Variants in CALU observed in about 807,000 individuals in gnomAD.
CALU encodes the protein calumenin.
CALU carries 13 observed loss-of-function variants against 37.5 expected under a neutral mutation model. The ratio of observed to expected loss-of-function variants is 0.35; its 90% confidence interval spans 0.23 to 0.55. CALU has a LOEUF of 0.55. CALU is among the 20% of genes least tolerant of loss of function. The pLI, the probability that CALU is intolerant of heterozygous loss-of-function variation, is 0.89. For missense variants in CALU, 282 were observed against 391.7 expected, an observed-to-expected ratio of 0.72 and a Z score of 2.36; for synonymous variants, 114 against 133.8, an observed-to-expected ratio of 0.85 and a Z score of 1.02.
chr7:128,745,193 T>G (rs891657759), intron 1 of CALU, among the ~76,000 whole-genome samples: 14 of 152,238 alleles, frequency 9.2e-5, no homozygotes, highest in Non-Finnish European at 2.1e-4. Flanking sequence ...GGAAAATCCT[T>G]TGTTGCAGTG....
At chr7:128,755,270 C>T (rs1800831097) in intron 3 of CALU, among the ~76,000 whole-genome samples, 1 of 132,682 alleles carries the variant, frequency 7.5e-6, no homozygotes, top group African/African-American at 2.9e-5. Flanking sequence ...CATGATTGCA[C>T]TGCTGCACAC....
At chr7:128,751,497 CAGG>C (rs1331561826) in intron 2 of CALU, among the ~76,000 whole-genome samples, 11 of 152,012 alleles carry the variant, frequency 7.2e-5, no homozygotes, top group African/African-American at 2.7e-4. Flanking sequence ...GAGGCTGAAG[CAGG>C]AGGATTGCTT....
intron 1 of CALU, among the ~76,000 whole-genome samples, chr7:128,745,063 A>G (rs939647729): frequency 6.6e-6 from 1 of 152,162 alleles, no homozygotes; most frequent in Non-Finnish European, 1.5e-5. Context: ...GTGCATAAGT[A>G]TTTATTCATA....
intron 1 of CALU, among the ~76,000 whole-genome samples, chr7:128,740,810 T>C (rs957892769): frequency 6.6e-6 from 1 of 152,208 alleles, no homozygotes; most frequent in Non-Finnish European, 1.5e-5. Flanking sequence ...TTGTTTTCAT[T>C]CATCCAGTGA....
intron 5 of CALU, among the ~76,000 whole-genome samples, chr7:128,762,975 G>A (rs1318129443): frequency 6.6e-6 from 1 of 151,918 alleles, no homozygotes; most frequent in Non-Finnish European, 1.5e-5. Flanking sequence ...CCCCAAATTA[G>A]AATAGTATAA....
chr7:128,744,553 G>A (rs1319700724), intron 1 of CALU, among the ~76,000 whole-genome samples: 1 of 151,840 alleles, frequency 6.6e-6, no homozygotes, highest in Admixed American at 6.6e-5. Flanking sequence ...ATTCCTCCCT[G>A]CAGAAAGATA....
chr7:128,764,943 CAA>C (rs980593877), intron 5 of CALU, among the ~76,000 whole-genome samples: 4 of 152,224 alleles, frequency 2.6e-5, no homozygotes, highest in Non-Finnish European at 4.4e-5. Flanking sequence ...TTTAAAAAGA[CAA>C]GAGTCTCATT....
chr7:128,748,111 ACT>A, intron 1 of CALU: 1 of 378,778 alleles, frequency 2.6e-6, no homozygotes, highest in Non-Finnish European at 4.7e-6. Context: ...AGCTTCAGAG[ACT>A]CTAAATCAAT....
chr7:128,754,404 G>T lies in CALU; in HGVS notation c.364G>T (p.Gly122Cys). 1.2e-6 allele frequency: 2 copies of T among 1,614,086 alleles called. No homozygotes were observed. The highest frequency in any genetic ancestry group is 1.7e-6 in the Non-Finnish European group (2 of 1,180,000). Residue 122 changes from glycine to cysteine, a missense_variant, in exon 3 of 7, where the codon GGC (glycine) becomes TGC (cysteine). Coordinates refer to ENST00000249364, the MANE Select transcript of CALU (RefSeq NM_001219.5). ...GAAGGGGCATGACCTCAATGAGGACGGCCTCGTTTCCTGGGAGGAGTATAA... is the reference window on the plus strand; with the variant it reads ...GAAGGGGCATGACCTCAATGAGGACTGCCTCGTTTCCTGGGAGGAGTATAA... ...QWKGHDLNED[G>C]LVSWEEYKNA...
intron 1 of CALU, chr7:128,748,005 A>G (rs41274224): frequency 0.057 from 11,052 of 193,790 alleles, 390 homozygotes; most frequent in East Asian, 0.12. Context: ...ACTTGGTGCT[A>G]TAGACCAAGG....
rs1801409700 is a variant in CALU, at chr7:128,768,309, C to G, written c.843+654C>G. Among the ~76,000 whole-genome samples the G allele has an allele frequency of 3.9e-5, 6 of 152,162 alleles. No homozygotes were observed. The South Asian group carries it at 1.2e-3, about 32-fold the overall frequency. On this transcript the variant is annotated intron_variant, in intron 6 of 6. Coordinates refer to ENST00000249364, the MANE Select transcript of CALU (RefSeq NM_001219.5). ...TCAAATTCAGTTTTTTATTTTAGAGCCTTTTTAAGTGTTGATCTGCTTTAA... is the reference window on the plus strand; with the variant it reads ...TCAAATTCAGTTTTTTATTTTAGAGGCTTTTTAAGTGTTGATCTGCTTTAA...
intron 3 of CALU, among the ~76,000 whole-genome samples, chr7:128,755,047 C>T (rs975443900): frequency 2.0e-5 from 3 of 151,184 alleles, no homozygotes; most frequent in Admixed American, 6.6e-5. Flanking sequence ...CGATAGCTCA[C>T]GCCTATAAGC....
rs35355395 is a variant in CALU at position 128,770,576 on chromosome 7, C to CAAAAAA, written c.*1419_*1424dup. The stretch of plus-strand genomic sequence containing the variant: ...CCTCCTCTTTCCCTCTCCCCGCTGC[C>CAAAAAA]AAAAAAAAAAAAAAAGGAAACGTTT... On this transcript the variant is annotated 3_prime_UTR_variant, in exon 7 of 7. Coordinates refer to ENST00000249364, the MANE Select transcript of CALU (RefSeq NM_001219.5). 1 of 122,536 alleles carries CAAAAAA rather than the reference C, an allele frequency of 8.2e-6. No individual in the cohort carries two copies. The allele number at this position is 122,536 out of a possible 1,614,324, so 7.6% of individuals were successfully genotyped here. A position where few individuals can be genotyped will look rare whatever the true frequency, so the allele number is the denominator to read the frequency against.
intron 2 of CALU, among the ~76,000 whole-genome samples, chr7:128,750,728 G>T (rs12539716): frequency 0.28 from 41,949 of 152,036 alleles, 6,814 homozygotes; most frequent in Non-Finnish European, 0.38. Flanking sequence ...ATGTATACCA[G>T]CTGGGAACAA....
intron 5 of CALU, among the ~76,000 whole-genome samples, chr7:128,766,016 G>T (rs1460471576): frequency 6.6e-6 from 1 of 152,194 alleles, no homozygotes; most frequent in Admixed American, 6.5e-5. Context: ...TAGTACACAG[G>T]CACGGTCTCG....
At chr7:128,768,431 A>G (rs1265443262) in intron 6 of CALU, among the ~76,000 whole-genome samples, 1 of 152,212 alleles carries the variant, frequency 6.6e-6, no homozygotes, top group Admixed American at 6.5e-5. Flanking sequence ...GAGATGTTCC[A>G]TATTTTCCTC....
At chr7:128,751,468 T>G (rs1289516714) in intron 2 of CALU, among the ~76,000 whole-genome samples, 1 of 152,154 alleles carries the variant, frequency 6.6e-6, no homozygotes, top group Non-Finnish European at 1.5e-5. Flanking sequence ...GGCTCATGGC[T>G]GTAATCCCAG....
Position 128,772,796 on chromosome 7 carries a change from TC to T in CALU, c.*3633del. 1.8e-6 allele frequency: 2 copies of T among 1,141,474 alleles called. No individual in the cohort carries two copies. The highest frequency in any genetic ancestry group is 1.3e-5 in the South Asian group (1 of 76,146). 70.7% of individuals were successfully genotyped at this position (1,141,474 alleles called of 1,614,324 possible). On this transcript the variant is annotated 3_prime_UTR_variant, in exon 7 of 7. Transcript: ENST00000249364. ...CCCTTAGGTGGTTTTGAATCTATCT[TC>T]CCCATCCTGAAAACTATCTAGATTC...
intron 1 of CALU, among the ~76,000 whole-genome samples, chr7:128,747,072 C>G (rs1225456851): frequency 6.6e-6 from 1 of 151,438 alleles, no homozygotes; most frequent in African/African-American, 2.4e-5. Flanking sequence ...CCGGCCCATT[C>G]TTTTTAACCT....
Sources: allele counts gnomAD v4.1 joint callset (sites outside exome capture counted in the v4.1 genomes callset), GRCh38; gene constraint gnomAD v4.1.1; transcripts MANE v1.5; gene names NCBI Gene and HGNC (gene_info 2026-07-23, HGNC 2026-07-21).